The following TRAT1 variants were observed in gnomAD, a reference collection of about 807,000 sequenced individuals.
TRAT1 encodes the protein T-cell receptor-associated transmembrane adapter 1.
TRAT1 carries 20 observed loss-of-function variants against 20.0 expected under a neutral mutation model. The ratio of observed to expected loss-of-function variants is 1.00; its 90% CI spans 0.70 to 1.45. The LOEUF (loss-of-function observed/expected upper bound fraction) is 1.45, where lower values mean the gene tolerates loss of function less well. TRAT1 is among the 40% of genes most tolerant of loss of function. TRAT1 has a pLI of 0.00. For missense variants in TRAT1, 237 were observed against 224.1 expected, an observed-to-expected ratio of 1.06 and a Z score of -0.37; for synonymous variants, 77 against 74.2, an observed-to-expected ratio of 1.04 and a Z score of -0.20.
intron 5 of TRAT1, among the ~76,000 whole-genome samples, chr3:108,850,537 G>T (rs554260463): frequency 6.6e-6 from 1 of 151,910 alleles, no homozygotes; most frequent in Non-Finnish European, 1.5e-5. Flanking sequence ...ACTCCCGACC[G>T]CAGTGATCCA....
chr3:108,853,173 G>A (rs1214347937), intron 5 of TRAT1, among the ~76,000 whole-genome samples: 3 of 152,174 alleles, frequency 2.0e-5, no homozygotes, highest in Admixed American at 6.5e-5. Flanking sequence ...GACTTTTGTG[G>A]TACCATTAAA....
At chr3:108,838,896 AC>A in intron 2 of TRAT1, 37 bp from the exon 3 acceptor site, 2 of 1,510,596 alleles carry the variant, frequency 1.3e-6, no homozygotes, top group Non-Finnish European at 1.8e-6. Flanking sequence ...AGGTATGTCA[AC>A]ATTTCTTTTA....
At chr3:108,839,031 T>C in intron 3 of TRAT1, 64 bp downstream of exon 3, 1 of 1,287,574 alleles carries the variant, frequency 7.8e-7, no homozygotes, top group Non-Finnish European at 1.1e-6. Context: ...CAATGCTATA[T>C]TGTTTAAAGA....
intron 3 of TRAT1, among the ~76,000 whole-genome samples, chr3:108,843,402 C>A (rs1381021731): frequency 6.6e-6 from 1 of 152,040 alleles, no homozygotes; most frequent in Non-Finnish European, 1.5e-5. Context: ...TGTCGTCATG[C>A]GCCTGTAGTC....
chr3:108,852,284 G>C (rs1346539520), intron 5 of TRAT1, among the ~76,000 whole-genome samples: 1 of 152,170 alleles, frequency 6.6e-6, no homozygotes, highest in Non-Finnish European at 1.5e-5. Flanking sequence ...GGGAGGCTGA[G>C]GCAGGAGAAT....
rs149418284 is a variant in TRAT1, at chr3:108,853,665, G to A, written c.349G>A (p.Val117Ile). The change falls in exon 6 of 6, where the codon GTT (valine) becomes ATT (isoleucine). Residue 117 changes from valine to isoleucine, a missense_variant. Val to Ile is a conservative substitution (Grantham distance 29). Coordinates refer to ENST00000295756, the MANE Select transcript of TRAT1 (RefSeq NM_016388.4). Reference sequence around the variant, plus strand: ...GTGCTACGCCTCACTTGATCACAGCGTTAAGGGGAAGCGTAGAAAGCCCAG... The same window carrying A: ...GTGCTACGCCTCACTTGATCACAGCATTAAGGGGAAGCGTAGAAAGCCCAG... ...QMCYASLDHSVKGKRRKPRKQ... is the reference protein window; with the variant it reads ...QMCYASLDHSIKGKRRKPRKQ... The A allele has an allele frequency of 2.0e-5, 32 of 1,613,942 alleles. No homozygotes were observed. Among genetic ancestry groups the A allele is most frequent in the Admixed American group, 1.5e-4 (9 of 59,996 alleles).
chr3:108,852,396 T>G (rs889609457), intron 5 of TRAT1, among the ~76,000 whole-genome samples: 2 of 19,484 alleles, frequency 1.0e-4, no homozygotes, highest in African/African-American at 3.2e-4. Flanking sequence ...AACACACGCA[T>G]GCACACACAC....
In TRAT1 at chr3:108,853,755, G is replaced by T; in HGVS notation, c.439G>T (p.Val147Phe). Residue 147 changes from valine (V) to phenylalanine (F), a missense_variant, in exon 6 of 6, where the codon GTT becomes TTT. Transcript: ENST00000295756. ...DEQLHAIDAS[V>F]SKTTLVDSFS... ...GCAACTACATGCAATAGATGCCAGCGTTTCTAAGACCACCTTAGTAGACAG... is the reference window on the plus strand; with the variant it reads ...GCAACTACATGCAATAGATGCCAGCTTTTCTAAGACCACCTTAGTAGACAG... 1 of 1,614,132 alleles carries T rather than the reference G, an allele frequency of 6.2e-7. No homozygotes were observed.
intron 3 of TRAT1, among the ~76,000 whole-genome samples, chr3:108,841,932 C>A (rs1362738233): frequency 6.6e-6 from 1 of 152,092 alleles, no homozygotes; most frequent in Non-Finnish European, 1.5e-5. Context: ...GATTCGTAGT[C>A]TTGGGGAAAT....
intron 1 of TRAT1, among the ~76,000 whole-genome samples, chr3:108,823,144 G>T (rs972513326): frequency 3.9e-5 from 6 of 152,288 alleles, no homozygotes; most frequent in African/African-American, 1.4e-4. Flanking sequence ...CAGCATTTTA[G>T]AACGTAAATC....
chr3:108,823,554 G>T (rs1350599703), intron 1 of TRAT1, among the ~76,000 whole-genome samples: 6 of 152,058 alleles, frequency 3.9e-5, no homozygotes, highest in Admixed American at 3.9e-4. Context: ...TGTTGCAAAA[G>T]GAAACATGCA....
intron 1 of TRAT1, among the ~76,000 whole-genome samples, chr3:108,827,815 A>G (rs1945755341): frequency 6.6e-6 from 1 of 152,156 alleles, no homozygotes; most frequent in Non-Finnish European, 1.5e-5. Context: ...CACAACCCTA[A>G]AGAAATGTAC....
chr3:108,854,543 C>T lies in TRAT1; in HGVS notation c.*666C>T, dbSNP rs1946027668. 1 of 152,030 alleles carries T rather than the reference C, an allele frequency of 6.6e-6. No individual in the cohort carries two copies. The highest frequency in any genetic ancestry group is 1.5e-5 in the Non-Finnish European group (1 of 67,980). The allele number at this position is 152,030 out of a possible 1,614,324, so 9.4% of individuals were successfully genotyped here. On this transcript the variant is annotated 3_prime_UTR_variant, in exon 6 of 6. Coordinates refer to ENST00000295756, the MANE Select transcript of TRAT1 (RefSeq NM_016388.4). Reference sequence around the variant, plus strand: ...TCACTTGGAGAAACTTTCTATATATCCTTCTAAATATTTTTCTGGGCATGC... The same window carrying T: ...TCACTTGGAGAAACTTTCTATATATTCTTCTAAATATTTTTCTGGGCATGC...
At chr3:108,841,677 T>C (rs1394210197) in intron 3 of TRAT1, among the ~76,000 whole-genome samples, 1 of 152,190 alleles carries the variant, frequency 6.6e-6, no homozygotes, top group East Asian at 1.9e-4. Flanking sequence ...TATTTCTCTG[T>C]TTCCCCATTC....
intron 1 of TRAT1, among the ~76,000 whole-genome samples, chr3:108,828,392 G>A (rs1438985628): frequency 6.6e-6 from 1 of 152,098 alleles, no homozygotes; most frequent in East Asian, 1.9e-4. Context: ...AACCAAATAA[G>A]TCAAGGTGAA....
chr3:108,842,789 C>T (rs1945906342), intron 3 of TRAT1, among the ~76,000 whole-genome samples: 1 of 152,186 alleles, frequency 6.6e-6, no homozygotes, highest in Non-Finnish European at 1.5e-5. Context: ...TTCAAGTGCT[C>T]TAAAGCACTG....
At chr3:108,852,928 C>T (rs1351364763) in intron 5 of TRAT1, among the ~76,000 whole-genome samples, 1 of 152,222 alleles carries the variant, frequency 6.6e-6, no homozygotes, top group Non-Finnish European at 1.5e-5. Context: ...AGCCTAGTTT[C>T]CTGTCTTTCT....
intron 2 of TRAT1, among the ~76,000 whole-genome samples, chr3:108,834,365 C>T (rs1945820612): frequency 6.6e-6 from 1 of 152,194 alleles, no homozygotes; most frequent in Non-Finnish European, 1.5e-5. Flanking sequence ...TTTCTCTCTG[C>T]CCCAACTTCT....
chr3:108,827,187 A>G (rs1390783577), intron 1 of TRAT1, among the ~76,000 whole-genome samples: 2 of 152,182 alleles, frequency 1.3e-5, no homozygotes, highest in Non-Finnish European at 2.9e-5. Context: ...GATCAAAGCT[A>G]TATAAATGAA....
Sources: gnomAD v4.1 joint callset for allele counts (sites outside exome capture counted in the v4.1 genomes callset) on GRCh38, gnomAD v4.1.1 for gene constraint, MANE v1.5 for transcripts, NCBI Gene and HGNC (gene_info 2026-07-23, HGNC 2026-07-21) for gene names.